Variants in EIF3L observed in about 807,000 individuals in gnomAD.
EIF3L encodes the protein eukaryotic translation initiation factor 3 subunit L, also known as eIEF associated protein HSPC021.
In EIF3L, 32 loss-of-function variants were observed where a neutral mutation model predicts 74.6. The observed-to-expected ratio is 0.43, with a 90% CI of 0.32 to 0.58. The LOEUF (loss-of-function observed/expected upper bound fraction) is 0.58, where lower values mean the gene tolerates loss of function less well. Among genes scored for constraint, EIF3L ranks in the 20% least tolerant of loss-of-function variants. The probability of loss-of-function intolerance (pLI) is 0.06; values close to 1 mark genes in which losing one functional copy is unlikely to be tolerated. For synonymous variants in EIF3L, 256 were observed against 254.4 expected, an observed-to-expected ratio of 1.01 and a Z score of -0.06; for missense variants, 474 against 707.8, an observed-to-expected ratio of 0.67 and a Z score of 3.75.
intron 8 of EIF3L, among the ~76,000 whole-genome samples, chr22:37,873,093 A>G (rs1926560469): frequency 6.6e-6 from 1 of 151,176 alleles, no homozygotes; most frequent in Non-Finnish European, 1.5e-5. Flanking sequence ...AGTTCAAGCA[A>G]TTCTCCTGCC....
intron 7 of EIF3L, among the ~76,000 whole-genome samples, chr22:37,865,698 T>C (rs1229785491): frequency 6.6e-6 from 1 of 152,220 alleles, no homozygotes; most frequent in Non-Finnish European, 1.5e-5. Context: ...TGCTCAAGAT[T>C]AGGCTTCAGT....
chr22:37,850,780 TTGTA>T (rs1925162129), intron 2 of EIF3L, among the ~76,000 whole-genome samples: 1 of 152,236 alleles, frequency 6.6e-6, no homozygotes, highest in East Asian at 1.9e-4. Context: ...TCTAAGTACT[TTGTA>T]TGAAATATTT....
Position 37,888,564 on chromosome 22 carries a change from A to C in EIF3L, c.*100A>C. The C allele has an allele frequency of 8.0e-7, 1 of 1,246,808 alleles. No homozygotes were observed. The highest frequency in any genetic ancestry group is 1.2e-6 in the Non-Finnish European group (1 of 857,234). 77.2% of individuals were successfully genotyped at this position (1,246,808 alleles called of 1,614,324 possible). On this transcript the variant is annotated 3_prime_UTR_variant, in exon 13 of 13. Coordinates refer to ENST00000652021, the MANE Select transcript of EIF3L (RefSeq NM_016091.4). Reference sequence around the variant, plus strand: ...TACCTAGATCAGCCATCAGCCTGTCAACTCAGTTAACAAGTTAAGGACCGA... The same window carrying C: ...TACCTAGATCAGCCATCAGCCTGTCCACTCAGTTAACAAGTTAAGGACCGA...
At chr22:37,862,307 A>G (rs1039114588) in intron 5 of EIF3L, among the ~76,000 whole-genome samples, 3 of 152,190 alleles carry the variant, frequency 2.0e-5, no homozygotes, top group African/African-American at 7.2e-5. Context: ...CTCAGAAACT[A>G]TCAGTGGTTC....
At chr22:37,874,242 T>C (rs979693934) in intron 8 of EIF3L, 128 bp from the exon 9 acceptor site, 11 of 902,100 alleles carry the variant, frequency 1.2e-5, no homozygotes, top group South Asian at 1.9e-5. Context: ...TTGAAGTTAT[T>C]CCCCAGTTGT....
chr22:37,868,634 CTTTTTTTTT>C lies in EIF3L; in HGVS notation c.580-1525_580-1517del, dbSNP rs71195065. 1.7e-3 allele frequency among the ~76,000 whole-genome samples: 42 copies of C among 25,132 alleles called. 4 individuals carry two copies. Among genetic ancestry groups the C allele is most frequent in the African/African-American group, 4.1e-3 (29 of 7,008 alleles). The allele number at this position is 25,132 out of a possible 152,430, so 16.5% of individuals were successfully genotyped here. On this transcript the variant is annotated intron_variant, in intron 7 of 12. Coordinates refer to ENST00000652021, the MANE Select transcript of EIF3L (RefSeq NM_016091.4). ...ACACCTGGCTATTTTTGTTTTGGTG[CTTTTTTTTT>C]TTTTTTTTTTTTTTTTGAGACGGAG...
intron 12 of EIF3L, 27 bp from the exon 13 acceptor site, chr22:37,888,399 G>A (rs763658441): frequency 3.7e-6 from 6 of 1,613,616 alleles, no homozygotes; most frequent in South Asian, 3.3e-5. Context: ...ATCCCCGTAT[G>A]TAACTTTGCT....
In EIF3L at chr22:37,852,452, G is replaced by T. The variant is rs143266496; in HGVS notation, c.293+962G>T. Among the ~76,000 whole-genome samples the T allele has an allele frequency of 6.3e-3, 963 of 152,282 alleles. 7 individuals carry two copies. Among genetic ancestry groups the T allele is most frequent in the African/African-American group, 0.022 (930 of 41,540 alleles). On this transcript the variant is annotated intron_variant, in intron 3 of 12. Transcript: ENST00000652021. ...AGCTGAACTCCGCAGGTTTTGAGGGGCTGCCGTTGTGTAATGAGCGTTAGA... is the reference window on the plus strand; with the variant it reads ...AGCTGAACTCCGCAGGTTTTGAGGGTCTGCCGTTGTGTAATGAGCGTTAGA...
chr22:37,853,229 G>A (rs958175740), intron 3 of EIF3L, among the ~76,000 whole-genome samples: 2 of 152,074 alleles, frequency 1.3e-5, no homozygotes, highest in African/African-American at 4.8e-5. Flanking sequence ...TGTACGGGTC[G>A]ACAGCATCCT....
chr22:37,869,261 G>A (rs569302993), intron 7 of EIF3L, among the ~76,000 whole-genome samples: 4 of 152,086 alleles, frequency 2.6e-5, no homozygotes, highest in Non-Finnish European at 5.9e-5. Context: ...CCTTAGTAGC[G>A]GAGACTGCAG....
chr22:37,880,856 CTT>C (rs1481711844), intron 11 of EIF3L: 1 of 152,218 alleles, frequency 6.6e-6, no homozygotes, highest in Non-Finnish European at 1.5e-5. Context: ...AGTATGTACT[CTT>C]TAAGTCTGGC....
At chr22:37,864,281 C>T (rs1399449983) in intron 7 of EIF3L, among the ~76,000 whole-genome samples, 1 of 152,134 alleles carries the variant, frequency 6.6e-6, no homozygotes, top group African/African-American at 2.4e-5. Flanking sequence ...TGTTGAACTC[C>T]TGGCCTCAAG....
chr22:37,873,320 G>A (rs1267499837), intron 8 of EIF3L, among the ~76,000 whole-genome samples: 9 of 143,342 alleles, frequency 6.3e-5, no homozygotes, highest in Admixed American at 1.4e-4. Flanking sequence ...TTTTTTTGAG[G>A]TGGAGTCTCG....
intron 12 of EIF3L, 78 bp from the exon 13 acceptor site, chr22:37,888,348 G>T: frequency 6.7e-7 from 1 of 1,499,732 alleles, no homozygotes; most frequent in South Asian, 1.2e-5. Flanking sequence ...CTGGGAATCT[G>T]ACCTAGTGAT....
intron 9 of EIF3L, 28 bp from the exon 10 acceptor site, chr22:37,875,811 CAT>C (rs1310859194): frequency 6.3e-7 from 1 of 1,598,390 alleles, no homozygotes; most frequent in African/African-American, 1.3e-5. Context: ...AATTGGGACT[CAT>C]GAATGTTTGT....
In EIF3L at chr22:37,866,049, G is replaced by GT. The variant is rs535747952; in HGVS notation, c.579+2710dup. ...CACCCTGTTTTATTTATTTGTTTTT[G>GT]TTTTTTCAAACTACAGATATAGTGA... On this transcript the variant is annotated intron_variant, in intron 7 of 12. Transcript: ENST00000652021. Among the ~76,000 whole-genome samples the GT allele has an allele frequency of 4.6e-5, 7 of 152,182 alleles. No homozygotes were observed. In the South Asian group the frequency reaches 1.5e-3, roughly 32 times the overall value.
Position 37,888,460 on chromosome 22 carries a change from C to A in EIF3L, c.1691C>A (p.Pro564His), listed in dbSNP as rs199910157. 1 of 1,613,566 alleles carries A rather than the reference C, an allele frequency of 6.2e-7. No homozygotes were observed. Among genetic ancestry groups the A allele is most frequent in the African/African-American group, 1.3e-5 (1 of 74,926 alleles). The change falls in exon 13 of 13, where the codon CCT (proline) becomes CAT (histidine). Residue 564 changes from proline (P) to histidine (H), a missense_variant. Around this residue, in one of 4 missense-constraint regions of EIF3L, gnomAD observed 293 missense variants for 469.1 expected, o/e 0.62. Transcript: ENST00000652021. ...ACCCTGAAGAAGATGGGACAGAGAC[C>A]TTGATGATATTCACACACATTCAGG... The part of the protein sequence containing the change: ...NRTLKKMGQR[P>H]
intron 8 of EIF3L, 131 bp downstream of exon 8, chr22:37,870,478 T>A: frequency 1.1e-6 from 1 of 881,728 alleles, no homozygotes; most frequent in Non-Finnish European, 1.7e-6. Context: ...TGACTCTTTG[T>A]AGGTGCTTGA....
chr22:37,878,232 T>C, intron 11 of EIF3L, 61 bp downstream of exon 11: 1 of 1,518,210 alleles, frequency 6.6e-7, no homozygotes, highest in South Asian at 1.3e-5. Flanking sequence ...TCATTCACTA[T>C]TGTGGGCACA....
Sources: allele counts gnomAD v4.1 joint callset (sites outside exome capture counted in the v4.1 genomes callset), GRCh38; gene constraint gnomAD v4.1.1; regional missense constraint gnomAD v4.1.1; transcripts MANE v1.5; gene names NCBI Gene and HGNC (gene_info 2026-07-23, HGNC 2026-07-21).